PDS5A: variants seen among roughly 807,000 people sequenced by gnomAD.
PDS5A encodes sister chromatid cohesion protein PDS5 homolog A.
A neutral mutation model predicts 167.1 loss-of-function variants in PDS5A; 42 were observed. That is an observed-to-expected ratio of 0.25 (90% CI 0.20 to 0.33). PDS5A has a LOEUF of 0.33. PDS5A is among the 10% of genes least tolerant of loss of function. The pLI, the probability that PDS5A is intolerant of heterozygous loss-of-function variation, is 1.00. For missense variants in PDS5A, 1,033 were observed against 1,605.9 expected, an observed-to-expected ratio of 0.64 and a Z score of 6.10; for synonymous variants, 553 against 554.6, an observed-to-expected ratio of 1.00 and a Z score of 0.04.
intron 5 of PDS5A, among the ~76,000 whole-genome samples, chr4:39,924,598 C>T (rs536350459): frequency 4.4e-4 from 67 of 152,270 alleles, no homozygotes; most frequent in African/African-American, 1.6e-3. Context: ...AAGCCATTTG[C>T]CACATATGGC....
intron 32 of PDS5A, 28 bp from the exon 33 acceptor site, chr4:39,825,516 T>A (rs750547886): frequency 1.0e-5 from 16 of 1,546,272 alleles, no homozygotes; most frequent in Non-Finnish European, 1.4e-5. Flanking sequence ...AACGCAAAGT[T>A]AGAAAAGATG....
At chr4:39,827,434 T>A (rs1715427033) in intron 32 of PDS5A, among the ~76,000 whole-genome samples, 1 of 152,210 alleles carries the variant, frequency 6.6e-6, no homozygotes, top group East Asian at 1.9e-4. Flanking sequence ...GACTTGATTC[T>A]ATGTACCAAG....
At chr4:39,866,823 TCAGCA>T in intron 23 of PDS5A, 33 bp downstream of exon 23, 1 of 1,583,162 alleles carries the variant, frequency 6.3e-7, no homozygotes, top group Non-Finnish European at 8.6e-7. Flanking sequence ...CACCAAAATT[TCAGCA>T]CTAAGAAAAC....
At chr4:39,931,317 A>AT (rs1275456087) in intron 2 of PDS5A, among the ~76,000 whole-genome samples, 1 of 151,904 alleles carries the variant, frequency 6.6e-6, no homozygotes, top group Non-Finnish European at 1.5e-5. Flanking sequence ...GGCTAAAAAA[A>AT]TTTTTTTTAA....
chr4:39,851,623 T>C (rs971341914), intron 26 of PDS5A, among the ~76,000 whole-genome samples: 11 of 152,274 alleles, frequency 7.2e-5, no homozygotes, highest in African/African-American at 2.4e-4. Context: ...AAGTAACCTG[T>C]TTAGGGTCAC....
At chr4:39,862,091 A>C (rs1242362167) in intron 26 of PDS5A, 128 bp downstream of exon 26, 5 of 396,116 alleles carry the variant, frequency 1.3e-5, no homozygotes, top group Non-Finnish European at 2.3e-5. Context: ...ATTTATAATA[A>C]ATGAATAAAA....
At chr4:39,970,452 A>C (rs1194457391) in intron 2 of PDS5A, among the ~76,000 whole-genome samples, 1 of 151,854 alleles carries the variant, frequency 6.6e-6, no homozygotes, top group Non-Finnish European at 1.5e-5. Flanking sequence ...TAAAAAAAAA[A>C]AAAAAGCTGT....
chr4:39,917,699 C>T (rs1724519724), intron 7 of PDS5A, among the ~76,000 whole-genome samples: 1 of 152,010 alleles, frequency 6.6e-6, no homozygotes, highest in African/African-American at 2.4e-5. Context: ...CTCAATCTCT[C>T]GAGTAGCTGG....
At position 39,880,760 on chromosome 4, in the gene PDS5A, A is replaced by G. The variant is rs186574067; in HGVS notation, c.1887-927T>C. On this transcript the variant is annotated intron_variant, in intron 17 of 32. Transcript: ENST00000303538. Reference sequence around the variant, plus strand: ...CATGGTGATCAGATCAGGATAATTAACACATCCATTATCTTAAACACTTAT... The same window carrying G: ...CATGGTGATCAGATCAGGATAATTAGCACATCCATTATCTTAAACACTTAT... Among the ~76,000 whole-genome samples, 269 of 152,274 alleles carry G rather than the reference A, an allele frequency of 1.8e-3. 2 individuals are homozygous for G. Among genetic ancestry groups the G allele is most frequent in the African/African-American group, 6.0e-3 (248 of 41,574 alleles).
At chr4:39,973,342 A>G (rs1400293302) in intron 2 of PDS5A, 1 of 1,606,486 alleles carries the variant, frequency 6.2e-7, no homozygotes, top group Non-Finnish European at 8.5e-7. Context: ...AGGCTGTTGC[A>G]TTGTAACTTG....
At chr4:39,928,825 TAA>T (rs201886708) in intron 2 of PDS5A, among the ~76,000 whole-genome samples, 15 of 139,302 alleles carry the variant, frequency 1.1e-4, no homozygotes, top group Admixed American at 1.4e-4. Flanking sequence ...ACACTGTCTT[TAA>T]AAAAAAAAAA....
chr4:39,900,895 C>T (rs1348842138), intron 13 of PDS5A, among the ~76,000 whole-genome samples: 5 of 152,054 alleles, frequency 3.3e-5, no homozygotes. Context: ...CTGGAGCATT[C>T]CACAGACACA....
At chr4:39,877,546 C>T (rs553079117) in intron 18 of PDS5A, among the ~76,000 whole-genome samples, 19 of 152,256 alleles carry the variant, frequency 1.2e-4, no homozygotes, top group Non-Finnish European at 2.1e-4. Flanking sequence ...AACCTCCATA[C>T]GTAATGACTC....
intron 14 of PDS5A, among the ~76,000 whole-genome samples, chr4:39,899,216 CT>C (rs1216855678): frequency 7.2e-5 from 11 of 152,104 alleles, no homozygotes; most frequent in Admixed American, 6.5e-4. Flanking sequence ...AGAGAAGAAA[CT>C]TTTTTTTCTG....
intron 31 of PDS5A, among the ~76,000 whole-genome samples, chr4:39,839,440 G>A (rs1419097417): frequency 6.6e-6 from 1 of 151,710 alleles, no homozygotes; most frequent in Non-Finnish European, 1.5e-5. Context: ...CATGGTGGCA[G>A]GTGCCTATAA....
chr4:39,935,457 C>T (rs1578777019), intron 2 of PDS5A, among the ~76,000 whole-genome samples: 1 of 152,334 alleles, frequency 6.6e-6, no homozygotes, highest in East Asian at 1.9e-4. Flanking sequence ...TGTCTATATT[C>T]ATTCTGAGTT....
chr4:39,951,281 T>C (rs1355961716), intron 2 of PDS5A, among the ~76,000 whole-genome samples: 1 of 152,182 alleles, frequency 6.6e-6, no homozygotes, highest in Non-Finnish European at 1.5e-5. Flanking sequence ...TCTTGTAAGA[T>C]TTGATATTTA....
chr4:39,964,935 T>C (rs1316272659), intron 2 of PDS5A, among the ~76,000 whole-genome samples: 2 of 151,956 alleles, frequency 1.3e-5, no homozygotes, highest in African/African-American at 4.8e-5. Context: ...AGAAAGACTC[T>C]GTCTCAAAAA....
chr4:39,966,418 T>C (rs1483109756), intron 2 of PDS5A, among the ~76,000 whole-genome samples: 1 of 152,122 alleles, frequency 6.6e-6, no homozygotes, highest in African/African-American at 2.4e-5. Context: ...GGCCCTACGT[T>C]AATATCAATT....
Sources: gnomAD v4.1 joint callset for allele counts (sites outside exome capture counted in the v4.1 genomes callset) on GRCh38, gnomAD v4.1.1 for gene constraint, MANE v1.5 for transcripts, NCBI Gene and HGNC (gene_info 2026-07-23, HGNC 2026-07-21) for gene names.